Variants in SAMMSON observed in about 807,000 individuals in gnomAD.
SAMMSON encodes long intergenic non-protein coding RNA 1212.
chr3:70,070,613 G>A (rs1347699767), intron 3 of SAMMSON, among the ~76,000 whole-genome samples: 1 of 151,606 alleles, frequency 6.6e-6, no homozygotes, highest in East Asian at 1.9e-4. Flanking sequence ...TCCCCTTGGG[G>A]GACATAAATT....
At chr3:70,200,815 GA>G (rs1701229802) in intron 4 of SAMMSON, among the ~76,000 whole-genome samples, 1 of 152,104 alleles carries the variant, frequency 6.6e-6, no homozygotes, top group Non-Finnish European at 1.5e-5. Flanking sequence ...GATTGTTTCT[GA>G]CTGTCCTAAA....
At chr3:70,098,969 C>CTT (rs2067333079) in intron 4 of SAMMSON, among the ~76,000 whole-genome samples, 1 of 152,072 alleles carries the variant, frequency 6.6e-6, no homozygotes, top group Non-Finnish European at 1.5e-5. Context: ...CATGATAAGG[C>CTT]TTATATCTTT....
intron 6 of SAMMSON, among the ~76,000 whole-genome samples, chr3:70,273,071 C>T (rs979658535): frequency 2.6e-5 from 4 of 152,190 alleles, no homozygotes; most frequent in Admixed American, 2.6e-4. Flanking sequence ...AAGGGAAGTT[C>T]AGCCAGTGAC....
intron 4 of SAMMSON, among the ~76,000 whole-genome samples, chr3:70,221,033 A>G (rs1308852559): frequency 6.6e-6 from 1 of 152,122 alleles, no homozygotes; most frequent in Non-Finnish European, 1.5e-5. Context: ...GCTTTTTCCC[A>G]TATTATATTG....
At chr3:70,125,679 TG>T in intron 4 of SAMMSON, 1 of 697,954 alleles carries the variant, frequency 1.4e-6, no homozygotes, top group Non-Finnish European at 2.6e-6. Context: ...CTACAGGTTG[TG>T]GTTGGTCAAA....
intron 4 of SAMMSON, among the ~76,000 whole-genome samples, chr3:70,189,859 A>G (rs1701118376): frequency 6.6e-6 from 1 of 151,996 alleles, no homozygotes; most frequent in African/African-American, 2.4e-5. Flanking sequence ...ATTTTAAACT[A>G]CTCTTTTTGA....
intron 4 of SAMMSON, among the ~76,000 whole-genome samples, chr3:70,078,674 C>T (rs185168926): frequency 6.6e-6 from 1 of 152,244 alleles, no homozygotes; most frequent in African/African-American, 2.4e-5. Flanking sequence ...AGCAACTGAA[C>T]CCTGATCAAT....
At chr3:70,353,673 T>C (rs1252858395) in intron 7 of SAMMSON, among the ~76,000 whole-genome samples, 2 of 152,140 alleles carry the variant, frequency 1.3e-5, no homozygotes, top group Non-Finnish European at 2.9e-5. Flanking sequence ...GTAGTTTCCT[T>C]AAAAACAAAA....
chr3:70,339,412 T>A (rs961871104), intron 7 of SAMMSON, among the ~76,000 whole-genome samples: 1 of 152,104 alleles, frequency 6.6e-6, no homozygotes, highest in Non-Finnish European at 1.5e-5. Flanking sequence ...TGGGATCTAA[T>A]TAAACTAAAG....
chr3:70,017,967 G>T (rs1430015300), intron 3 of SAMMSON, among the ~76,000 whole-genome samples: 1 of 152,108 alleles, frequency 6.6e-6, no homozygotes, highest in Non-Finnish European at 1.5e-5. Context: ...TTTTTGATGT[G>T]TTGCTGGATT....
chr3:70,093,912 C>G (rs2067314029), intron 4 of SAMMSON, among the ~76,000 whole-genome samples: 1 of 152,108 alleles, frequency 6.6e-6, no homozygotes, highest in Non-Finnish European at 1.5e-5. Context: ...AGTCAAAGCC[C>G]TTAGGTGCCT....
intron 4 of SAMMSON, among the ~76,000 whole-genome samples, chr3:70,178,411 C>T (rs1031304432): frequency 1.5e-4 from 23 of 152,144 alleles, no homozygotes; most frequent in Admixed American, 4.6e-4. Context: ...CTGCTTGTCT[C>T]GGACCGAACA....
At chr3:70,240,634 A>G (rs1701658004) in intron 4 of SAMMSON, among the ~76,000 whole-genome samples, 1 of 152,152 alleles carries the variant, frequency 6.6e-6, no homozygotes, top group Admixed American at 6.6e-5. Context: ...TTCAGCGTCA[A>G]TTATAAGTAC....
At chr3:70,051,698 G>A (rs903059000) in intron 3 of SAMMSON, among the ~76,000 whole-genome samples, 12 of 151,866 alleles carry the variant, frequency 7.9e-5, no homozygotes, top group African/African-American at 2.9e-4. Flanking sequence ...AAATTGTAGA[G>A]TGTCTCATTA....
At chr3:70,226,212 C>A (rs1175593777) in intron 4 of SAMMSON, among the ~76,000 whole-genome samples, 1 of 152,158 alleles carries the variant, frequency 6.6e-6, no homozygotes, top group African/African-American at 2.4e-5. Context: ...AAGTGCCAGG[C>A]AATATACTAG....
At position 70,241,620 on chromosome 3, in the gene SAMMSON, C is replaced by T. The variant is rs115320492; in HGVS notation, n.508-7487C>T. 5.2e-3 allele frequency among the ~76,000 whole-genome samples: 785 copies of T among 152,160 alleles called. 10 individuals are homozygous for T. Among genetic ancestry groups the T allele is most frequent in the African/African-American group, 0.017 (688 of 41,520 alleles). On this transcript the variant is annotated intron_variant and non_coding_transcript_variant, in intron 4 of 9. Coordinates refer to ENST00000642114, the Ensembl canonical transcript of SAMMSON. ...AGTTGAAATTTAATGATACTAAGTA[C>T]CTGACCCAAGTTCACAGACTCAGAA...
intron 4 of SAMMSON, chr3:70,126,255 CTTT>C (rs34272654): frequency 4.4e-4 from 372 of 848,386 alleles, no homozygotes; most frequent in Non-Finnish European, 5.1e-4. Context: ...GTCATCAGAC[CTTT>C]TTTTTTTTTT....
chr3:70,066,320 T>G (rs2107593397), intron 3 of SAMMSON, among the ~76,000 whole-genome samples: 1 of 152,296 alleles, frequency 6.6e-6, no homozygotes, highest in East Asian at 1.9e-4. Context: ...CTTCAAATGT[T>G]TCTTCAAAAA....
Position 70,322,150 on chromosome 3 carries a change from A to G in SAMMSON, n.739+30907A>G, listed in dbSNP as rs192315069. ...ACTTTAAAATTATTTACTAATAAGAAAACATTGATTTATTGGATCCTCACA... is the reference window on the plus strand; with the variant it reads ...ACTTTAAAATTATTTACTAATAAGAGAACATTGATTTATTGGATCCTCACA... On this transcript the variant is annotated intron_variant and non_coding_transcript_variant, in intron 7 of 9. Coordinates refer to ENST00000642114, the Ensembl canonical transcript of SAMMSON. Among the ~76,000 whole-genome samples the G allele has an allele frequency of 3.4e-3, 519 of 152,258 alleles. 2 individuals are homozygous for G. The highest frequency in any genetic ancestry group is 5.3e-3 in the Non-Finnish European group (358 of 68,004).
Sources: allele counts gnomAD v4.1 joint callset (sites outside exome capture counted in the v4.1 genomes callset), GRCh38; gene constraint gnomAD v4.1.1; transcripts MANE v1.5; gene names NCBI Gene and HGNC (gene_info 2026-07-23, HGNC 2026-07-21).